GPR158: variants seen among roughly 807,000 people sequenced by gnomAD.
GPR158 encodes the protein G protein-coupled receptor 158.
In GPR158, 30 loss-of-function variants were observed where a neutral mutation model predicts 78.2. The ratio of observed to expected loss-of-function variants is 0.38; its 90% CI spans 0.29 to 0.52. The LOEUF (loss-of-function observed/expected upper bound fraction) is 0.52, where lower values mean the gene tolerates loss of function less well. Ranked by LOEUF, GPR158 falls within the 20% of genes least tolerant of loss-of-function variation. The pLI is 0.83. For missense variants in GPR158, 1,463 were observed against 1,523.5 expected (o/e 0.96, Z 0.66); for synonymous variants, 581 against 591.1 (o/e 0.98, Z 0.25).
chr10:25,287,525 G>T (rs1854369383), intron 2 of GPR158, among the ~76,000 whole-genome samples: 1 of 152,170 alleles, frequency 6.6e-6, no homozygotes, highest in Non-Finnish European at 1.5e-5. Context: ...AGAAGAGCAT[G>T]CAGGTGGTGT....
chr10:25,242,658 C>T (rs938100972), intron 2 of GPR158, among the ~76,000 whole-genome samples: 2 of 152,120 alleles, frequency 1.3e-5, no homozygotes, highest in Non-Finnish European at 2.9e-5. Context: ...TATGTTTAGA[C>T]TGGATTTTCC....
intron 2 of GPR158, among the ~76,000 whole-genome samples, chr10:25,384,970 G>A (rs894672102): frequency 5.3e-5 from 8 of 151,906 alleles, no homozygotes; most frequent in Admixed American, 2.0e-4. Flanking sequence ...TTTAATTGTG[G>A]TAAAAATACA....
At chr10:25,232,749 T>A (rs1853467159) in intron 2 of GPR158, among the ~76,000 whole-genome samples, 1 of 152,196 alleles carries the variant, frequency 6.6e-6, no homozygotes. Flanking sequence ...CTCAAAGTAG[T>A]GTACAAGTGT....
At chr10:25,215,863 CCTT>C (rs1853205371) in intron 1 of GPR158, among the ~76,000 whole-genome samples, 1 of 152,138 alleles carries the variant, frequency 6.6e-6, no homozygotes. Context: ...CAAACCAGCT[CCTT>C]CTTTAGTCCA....
At chr10:25,443,729 T>C (rs752641548) in intron 4 of GPR158, among the ~76,000 whole-genome samples, 24 of 145,852 alleles carry the variant, frequency 1.6e-4, no homozygotes, top group Admixed American at 3.3e-4. Flanking sequence ...TTTGGTACTC[T>C]AGCAATGCCC....
chr10:25,233,490 G>C (rs1010369376), intron 2 of GPR158, among the ~76,000 whole-genome samples: 23 of 152,126 alleles, frequency 1.5e-4, no homozygotes, highest in Admixed American at 1.4e-3. Flanking sequence ...AACTGTCTCT[G>C]TAGGCTTGGC....
intron 2 of GPR158, among the ~76,000 whole-genome samples, chr10:25,342,457 C>T (rs1588810949): frequency 6.6e-6 from 1 of 151,996 alleles, no homozygotes. Flanking sequence ...ATCTTTTCAA[C>T]TCTTATTTTT....
intron 2 of GPR158, among the ~76,000 whole-genome samples, chr10:25,282,058 C>T (rs936456860): frequency 2.0e-5 from 3 of 151,870 alleles, no homozygotes. Context: ...AGTATTTATC[C>T]ATCATCATAA....
chr10:25,519,666 G>A (rs1408123891), intron 5 of GPR158, among the ~76,000 whole-genome samples: 2 of 141,008 alleles, frequency 1.4e-5, no homozygotes, highest in Non-Finnish European at 3.0e-5. Context: ...ATTCTGGGTT[G>A]AAAATTCTTT....
At chr10:25,418,640 AAG>A (rs1286264660) in intron 4 of GPR158, among the ~76,000 whole-genome samples, 1 of 147,180 alleles carries the variant, frequency 6.8e-6, no homozygotes, top group Non-Finnish European at 1.5e-5. Context: ...CGTGATCTCA[AAG>A]AGAGAGTATG....
chr10:25,268,237 T>C (rs1173842886), intron 2 of GPR158, among the ~76,000 whole-genome samples: 1 of 152,158 alleles, frequency 6.6e-6, no homozygotes, highest in Non-Finnish European at 1.5e-5. Context: ...AGGGGTAAAC[T>C]GTTTAACCTG....
At chr10:25,252,415 C>G (rs992804765) in intron 2 of GPR158, among the ~76,000 whole-genome samples, 6 of 152,148 alleles carry the variant, frequency 3.9e-5, no homozygotes, top group African/African-American at 1.4e-4. Flanking sequence ...TCCAGTTTTT[C>G]TGTTCTGTTT....
In GPR158 at chr10:25,601,125, G is replaced by GACT. The variant is rs1837491367; in HGVS notation, c.*1852_*1853insCTA. 1 of 152,418 alleles carries GACT rather than the reference G, an allele frequency of 6.6e-6. No individual in the cohort carries two copies. Among genetic ancestry groups the GACT allele is most frequent in the African/African-American group, 2.4e-5 (1 of 41,298 alleles). 9.4% of individuals were successfully genotyped at this position (152,418 alleles called of 1,614,324 possible). A position where few individuals can be genotyped will look rare whatever the true frequency, so the allele number is the denominator to read the frequency against. ...GGGTGGATATAGGGCTGTTCTTAGA[G>GACT]AGTATTTTCAGTGGAAGGTAAAAAC... On this transcript the variant is annotated 3_prime_UTR_variant, in exon 11 of 11. Coordinates refer to ENST00000376351, the MANE Select transcript of GPR158 (RefSeq NM_020752.3).
chr10:25,416,166 G>A (rs554820094), intron 4 of GPR158, among the ~76,000 whole-genome samples: 10 of 151,998 alleles, frequency 6.6e-5, no homozygotes, highest in Non-Finnish European at 1.0e-4. Flanking sequence ...ATTTTGGACC[G>A]CTTTATAAAA....
In GPR158 at chr10:25,189,615, A is replaced by G. The variant is rs544769714; in HGVS notation, c.902+13293A>G. Among the ~76,000 whole-genome samples the G allele has an allele frequency of 1.2e-4, 18 of 151,938 alleles. No individual in the cohort carries two copies. The East Asian group carries it at 2.5e-3, about 21-fold the overall frequency. On this transcript the variant is annotated intron_variant, in intron 1 of 10. Coordinates refer to ENST00000376351, the MANE Select transcript of GPR158 (RefSeq NM_020752.3). The stretch of plus-strand genomic sequence containing the variant: ...AACACTTGGACACAGGAAGGGGAAC[A>G]TCACACACAGGGGCCTGTCGTGGGG...
intron 2 of GPR158, among the ~76,000 whole-genome samples, chr10:25,240,561 A>T (rs1205129915): frequency 2.0e-5 from 3 of 152,170 alleles, no homozygotes; most frequent in Non-Finnish European, 4.4e-5. Flanking sequence ...TAAGAATAGG[A>T]AGAATTTTGA....
intron 3 of GPR158, among the ~76,000 whole-genome samples, chr10:25,398,840 C>T (rs1834402696): frequency 6.6e-6 from 1 of 152,134 alleles, no homozygotes; most frequent in Non-Finnish European, 1.5e-5. Context: ...ACCAACCTTC[C>T]TCACTGACAG....
At chr10:25,555,903 T>C (rs1836781717) in intron 6 of GPR158, among the ~76,000 whole-genome samples, 1 of 152,210 alleles carries the variant, frequency 6.6e-6, no homozygotes, top group African/African-American at 2.4e-5. Flanking sequence ...TTCTTCACTG[T>C]CCTCATTAGC....
chr10:25,235,440 T>TA (rs1337496754), intron 2 of GPR158, among the ~76,000 whole-genome samples: 1 of 147,910 alleles, frequency 6.8e-6, no homozygotes, highest in Non-Finnish European at 1.5e-5. Context: ...TTTTTTTTTT[T>TA]AATGGCAAGA....
Sources: gnomAD v4.1 joint callset for allele counts (sites outside exome capture counted in the v4.1 genomes callset) on GRCh38, gnomAD v4.1.1 for gene constraint, MANE v1.5 for transcripts, NCBI Gene and HGNC (gene_info 2026-07-23, HGNC 2026-07-21) for gene names.